The following JARID2 variants were observed in gnomAD, a reference collection of about 807,000 sequenced individuals.
The protein encoded by JARID2 is protein Jumonji.
Under a neutral mutation model 125.6 loss-of-function variants are expected in JARID2, and 21 were observed. The ratio of observed to expected loss-of-function variants is 0.17; its 90% confidence interval spans 0.12 to 0.24. The LOEUF is 0.24. JARID2 is among the 10% of genes least tolerant of loss of function. The pLI, the probability that JARID2 is intolerant of heterozygous loss-of-function variation, is 1.00. For synonymous variants in JARID2, 736 were observed against 661.6 expected (o/e 1.11, Z -1.73); for missense variants, 1,303 against 1,639.6 (o/e 0.79, Z 3.55).
At chr6:15,422,076 C>T (rs190210767) in intron 3 of JARID2, among the ~76,000 whole-genome samples, 52 of 152,272 alleles carry the variant, frequency 3.4e-4, no homozygotes, top group African/African-American at 9.4e-4. Context: ...CTACAGCTCC[C>T]GAAATCCTCT....
intron 4 of JARID2, among the ~76,000 whole-genome samples, chr6:15,461,660 A>G (rs1483240165): frequency 6.6e-6 from 1 of 152,232 alleles, no homozygotes; most frequent in Non-Finnish European, 1.5e-5. Flanking sequence ...GGAAAGAATG[A>G]CAGTATGATT....
At position 15,278,446 on chromosome 6, in the gene JARID2, C is replaced by T. The variant is rs768366538; in HGVS notation, c.45+31862C>T. ...CTAAAAATACAAAAAATTAGCTGGG[C>T]GTGATGGCTCATGCCTGTAATCCCA... On this transcript the variant is annotated intron_variant, in intron 1 of 17. Coordinates refer to ENST00000341776, the MANE Select transcript of JARID2 (RefSeq NM_004973.4). Among the ~76,000 whole-genome samples, 7 of 151,692 alleles carry T rather than the reference C, an allele frequency of 4.6e-5. No homozygotes were observed. The South Asian group carries it at 6.3e-4, about 14-fold the overall frequency.
intron 7 of JARID2, among the ~76,000 whole-genome samples, chr6:15,497,595 G>T (rs1490514883): frequency 6.7e-6 from 1 of 148,228 alleles, no homozygotes; most frequent in Non-Finnish European, 1.5e-5. Context: ...AGCTTGCAGT[G>T]AGCCGAGATC....
At chr6:15,490,931 G>A (rs1479619364) in intron 6 of JARID2, among the ~76,000 whole-genome samples, 1 of 152,354 alleles carries the variant, frequency 6.6e-6, no homozygotes, top group East Asian at 1.9e-4. Context: ...CTGAGGCTGA[G>A]TGTGAGAAGA....
chr6:15,283,132 C>T (rs1376944784), intron 1 of JARID2, among the ~76,000 whole-genome samples: 1 of 141,296 alleles, frequency 7.1e-6, no homozygotes, highest in African/African-American at 2.7e-5. Flanking sequence ...GCGCCCGCCA[C>T]CACGCCCGGC....
At chr6:15,388,532 T>G (rs1368424700) in intron 2 of JARID2, among the ~76,000 whole-genome samples, 1 of 151,244 alleles carries the variant, frequency 6.6e-6, no homozygotes, top group Non-Finnish European at 1.5e-5. Flanking sequence ...AGTCTATCGT[T>G]CAAGGAGGTG....
intron 1 of JARID2, among the ~76,000 whole-genome samples, chr6:15,323,618 C>T (rs1035871145): frequency 1.3e-5 from 2 of 152,230 alleles, no homozygotes; most frequent in African/African-American, 2.4e-5. Flanking sequence ...CATTTCTTAA[C>T]ATTGCCTTCC....
At position 15,501,017 on chromosome 6, in the gene JARID2, A is replaced by G. The variant is rs2127743545; in HGVS notation, c.2056A>G (p.Ile686Val). 1 of 1,614,188 alleles carries G rather than the reference A, an allele frequency of 6.2e-7. No homozygotes were observed. The highest frequency in any genetic ancestry group is 1.1e-5 in the South Asian group (1 of 91,084). ...KWNKLADMLR[I>V]PRTAQDRLAK... ...GAACAAACTAGCAGACATGCTGCGC[A>G]TCCCCAGAACTGCCCAGGACCGGCT... The change falls in exon 8 of 18, where the codon ATC becomes GTC. Residue 686 changes from isoleucine to valine, a missense_variant. Coordinates refer to ENST00000341776, the MANE Select transcript of JARID2 (RefSeq NM_004973.4).
At chr6:15,445,572 C>G (rs545557604) in intron 3 of JARID2, among the ~76,000 whole-genome samples, 28 of 152,252 alleles carry the variant, frequency 1.8e-4, no homozygotes, top group Admixed American at 5.2e-4. Flanking sequence ...CCCCTTCGAG[C>G]TCATGCAGCT....
At chr6:15,300,683 TTGTGTGTGTGTGTGTGTG>T (rs35433395) in intron 1 of JARID2, among the ~76,000 whole-genome samples, 2 of 114,402 alleles carry the variant, frequency 1.7e-5, no homozygotes, top group Non-Finnish European at 1.8e-5. Flanking sequence ...TGTCCTCATG[TTGTGTGTGTGTGTGTGTG>T]TGTGTGTGTG....
At chr6:15,378,932 A>G (rs1764474544) in intron 2 of JARID2, among the ~76,000 whole-genome samples, 1 of 152,202 alleles carries the variant, frequency 6.6e-6, no homozygotes, top group Admixed American at 6.5e-5. Context: ...GTGATGAACA[A>G]GCAGCCCTTT....
intron 3 of JARID2, among the ~76,000 whole-genome samples, chr6:15,421,245 T>G (rs965536492): frequency 6.6e-6 from 1 of 152,152 alleles, no homozygotes; most frequent in African/African-American, 2.4e-5. Flanking sequence ...TTGTGTGGAT[T>G]TTTAGTTCTT....
At chr6:15,284,235 T>C (rs954824190) in intron 1 of JARID2, among the ~76,000 whole-genome samples, 3 of 152,202 alleles carry the variant, frequency 2.0e-5, no homozygotes, top group East Asian at 1.9e-4. Flanking sequence ...TAAATTGATA[T>C]GGAATTTACT....
chr6:15,357,669 A>G (rs1173211236), intron 1 of JARID2, among the ~76,000 whole-genome samples: 1 of 152,198 alleles, frequency 6.6e-6, no homozygotes, highest in African/African-American at 2.4e-5. Context: ...GGAGATAATC[A>G]AAATATAGAA....
intron 3 of JARID2, among the ~76,000 whole-genome samples, chr6:15,442,746 A>G (rs147460260): frequency 1.3e-5 from 2 of 152,320 alleles, no homozygotes; most frequent in Non-Finnish European, 2.9e-5. Context: ...CTCAAATTTG[A>G]CACGGTTGCT....
At chr6:15,416,599 A>G (rs1370306904) in intron 3 of JARID2, among the ~76,000 whole-genome samples, 1 of 151,954 alleles carries the variant, frequency 6.6e-6, no homozygotes, top group Non-Finnish European at 1.5e-5. Flanking sequence ...GAGGCAGGAG[A>G]ATCAGGCAGG....
At chr6:15,301,642 GGTAA>G (rs1474416044) in intron 1 of JARID2, among the ~76,000 whole-genome samples, 2 of 152,098 alleles carry the variant, frequency 1.3e-5, no homozygotes, top group Non-Finnish European at 2.9e-5. Flanking sequence ...GTTTTTGTGG[GGTAA>G]GTCTCTTCCT....
intron 3 of JARID2, among the ~76,000 whole-genome samples, chr6:15,422,289 T>G (rs1170847815): frequency 1.3e-5 from 2 of 152,156 alleles, no homozygotes; most frequent in Non-Finnish European, 2.9e-5. Context: ...GAGCTGGAGT[T>G]GGTAGGTTTG....
At chr6:15,478,526 A>C (rs189961139) in intron 5 of JARID2, among the ~76,000 whole-genome samples, 4 of 151,684 alleles carry the variant, frequency 2.6e-5, no homozygotes, top group Admixed American at 2.6e-4. Context: ...TCTAACTCGC[A>C]TGTGCATATT....
Sources: gnomAD v4.1 joint callset for allele counts (sites outside exome capture counted in the v4.1 genomes callset) on GRCh38, gnomAD v4.1.1 for gene constraint, MANE v1.5 for transcripts, NCBI Gene and HGNC (gene_info 2026-07-23, HGNC 2026-07-21) for gene names.